SMYD4: variants seen among roughly 807,000 people sequenced by gnomAD.
SMYD4 encodes SET and MYND domain containing 4, also known as protein-lysine N-methyltransferase SMYD4.
SMYD4 carries 68 observed loss-of-function variants against 72.8 expected under a neutral mutation model. The ratio of observed to expected loss-of-function variants is 0.93; its 90% confidence interval spans 0.77 to 1.14. The LOEUF is 1.14. SMYD4 is among the 50% of genes most tolerant of loss of function. SMYD4 has a pLI of 0.00. For synonymous variants in SMYD4, 407 were observed against 388.6 expected (o/e 1.05, Z -0.56); for missense variants, 984 against 1,003.7 (o/e 0.98, Z 0.27).
intron 2 of SMYD4, among the ~76,000 whole-genome samples, chr17:1,820,478 G>A (rs1227448477): frequency 2.0e-5 from 3 of 152,156 alleles, no homozygotes; most frequent in African/African-American, 7.2e-5. Flanking sequence ...GGGCTCCAGC[G>A]ATCCTCTTGC....
chr17:1,786,785 T>C lies in SMYD4; in HGVS notation c.1884+25A>G, dbSNP rs373049813. 6 of 1,613,198 alleles carry C rather than the reference T, an allele frequency of 3.7e-6. No individual in the cohort carries two copies. In the African/African-American group the frequency reaches 4.0e-5, roughly 11 times the overall value. On this transcript the variant is annotated intron_variant, in intron 7 of 10. Coordinates refer to ENST00000305513, the MANE Select transcript of SMYD4 (RefSeq NM_052928.3). ...GTGGAAAACTGACCTCCAGGAAAAG[T>C]GGAGGAGACAGAAGAGAGAATTACC...
At chr17:1,781,524 T>A in intron 10 of SMYD4, 85 bp from the exon 11 acceptor site, 1 of 1,447,542 alleles carries the variant, frequency 6.9e-7, no homozygotes, top group Non-Finnish European at 9.4e-7. Flanking sequence ...CCGTGAAGAA[T>A]GTAAGATCAT....
intron 3 of SMYD4, among the ~76,000 whole-genome samples, chr17:1,811,303 G>A (rs1910318388): frequency 1.3e-5 from 2 of 152,076 alleles, no homozygotes; most frequent in Non-Finnish European, 2.9e-5. Flanking sequence ...AACTTTTTCC[G>A]TTTCAGGACC....
chr17:1,805,956 C>T (rs1406229014), intron 3 of SMYD4, among the ~76,000 whole-genome samples: 1 of 148,116 alleles, frequency 6.8e-6, no homozygotes, highest in Non-Finnish European at 1.5e-5. Context: ...CGGAGTCTCG[C>T]TCTGTCGCCC....
intron 3 of SMYD4, among the ~76,000 whole-genome samples, chr17:1,807,126 G>A (rs1406636742): frequency 6.6e-6 from 1 of 152,050 alleles, no homozygotes; most frequent in Non-Finnish European, 1.5e-5. Flanking sequence ...CTGACCTCAG[G>A]TGATCCACCC....
chr17:1,827,649 T>C (rs1911260822), intron 2 of SMYD4, among the ~76,000 whole-genome samples: 1 of 152,114 alleles, frequency 6.6e-6, no homozygotes, highest in Non-Finnish European at 1.5e-5. Flanking sequence ...AAAGAGATGT[T>C]ACCAGGCCAG....
At chr17:1,818,046 C>CAAAA (rs540448588) in intron 2 of SMYD4, among the ~76,000 whole-genome samples, 33,851 of 102,588 alleles carry the variant, frequency 0.33, 7,329 homozygotes, top group Non-Finnish European at 0.47. Context: ...GACTCTGTCT[C>CAAAA]AAAAAAAAAA....
In SMYD4 at chr17:1,784,351, C is replaced by T. The variant is rs1320444656; in HGVS notation, c.1995G>A (p.Gln665=). The change falls in exon 8 of 11, where the codon CAG becomes CAA. Residue 665 remains glutamine, a synonymous_variant. Coordinates refer to ENST00000305513, the MANE Select transcript of SMYD4 (RefSeq NM_052928.3). ...CTAGTTCACCATCTCTGAGAAGCTT[C>T]TGGGCCACTCTGACCTGCTGCTGTA... ...QDLQQQVRVA[Q]KLLRDGELER... 1 of 1,614,240 alleles carries T rather than the reference C, an allele frequency of 6.2e-7. No homozygotes were observed. Among genetic ancestry groups the T allele is most frequent in the Non-Finnish European group, 8.5e-7 (1 of 1,180,052 alleles).
intron 7 of SMYD4, among the ~76,000 whole-genome samples, chr17:1,785,282 GCA>G (rs1908604411): frequency 6.7e-6 from 1 of 149,424 alleles, no homozygotes; most frequent in Non-Finnish European, 1.5e-5. Flanking sequence ...AATTAGCCGG[GCA>G]TGGTGGTGGC....
intron 4 of SMYD4, among the ~76,000 whole-genome samples, chr17:1,803,313 C>T: frequency 6.6e-6 from 1 of 152,210 alleles, no homozygotes; most frequent in East Asian, 1.9e-4. Context: ...CTTAAGAAGG[C>T]TGAGCTATTA....
Position 1,827,876 on chromosome 17 carries a change from G to A in SMYD4, c.119C>T (p.Ser40Phe), listed in dbSNP as rs1184920972. 1.2e-6 allele frequency: 2 copies of A among 1,607,322 alleles called. No homozygotes were observed. Among genetic ancestry groups the A allele is most frequent in the Non-Finnish European group, 1.7e-6 (2 of 1,174,240 alleles). Residue 40 changes from serine to phenylalanine, a missense_variant, in exon 2 of 11, where the codon TCC becomes TTC. Ser to Phe is a radical substitution (Grantham distance 155). Coordinates refer to ENST00000305513, the MANE Select transcript of SMYD4 (RefSeq NM_052928.3). ...ATTTACTTACTGAAGAAGTGAAGAGGAGTGAAGAAAGATATCCCTCAAGGT... is the reference window on the plus strand; with the variant it reads ...ATTTACTTACTGAAGAAGTGAAGAGAAGTGAAGAAAGATATCCCTCAAGGT... ...AETLRDIFLH[S>F]SSLLQPEDEL...
At chr17:1,828,107 T>C (rs1911297491) in intron 1 of SMYD4, 101 bp from the exon 2 acceptor site, 1 of 1,207,494 alleles carries the variant, frequency 8.3e-7, no homozygotes, top group Non-Finnish European at 1.2e-6. Flanking sequence ...TCCCAGCACT[T>C]TGGGAAGCCG....
rs1909949194 is a variant in SMYD4, at chr17:1,804,703, A to T, written c.292T>A (p.Ser98Thr). Residue 98 changes from serine to threonine, a missense_variant, in exon 4 of 11, where the codon TCA (serine) becomes ACA (threonine). By Grantham distance (58) the Ser-to-Thr change is moderately conservative. Transcript: ENST00000305513. ...AVLYSKGVSH[S>T]RPNTEDMSLC... The stretch of plus-strand genomic sequence containing the variant: ...GACATGTCCTCAGTGTTAGGCCTTG[A>T]ATGTGACACTCCCTGCAAAACAATG... The T allele has an allele frequency of 4.3e-6, 7 of 1,613,424 alleles. 1 individual carries two copies. In the South Asian group the frequency reaches 6.6e-5, roughly 15 times the overall value.
Position 1,798,509 on chromosome 17 carries a change from T to A in SMYD4, c.1537+1348A>T, listed in dbSNP as rs549858613. 1.2e-3 allele frequency among the ~76,000 whole-genome samples: 183 copies of A among 152,158 alleles called. 1 individual carries two copies. The highest frequency in any genetic ancestry group is 4.3e-3 in the African/African-American group (179 of 41,530). On this transcript the variant is annotated intron_variant, in intron 5 of 10. Coordinates refer to ENST00000305513, the MANE Select transcript of SMYD4 (RefSeq NM_052928.3). ...TGAGTGCAGTGGTTCACACCTGTAA[T>A]CCCAGCACTTGGGGAGGCTGAGGCG... is the stretch of plus-strand genomic sequence containing the variant.
At chr17:1,787,331 G>T in intron 6 of SMYD4, 91 bp downstream of exon 6, 1 of 1,470,330 alleles carries the variant, frequency 6.8e-7, no homozygotes. Context: ...CAGTAGACAG[G>T]TGAAGTCACA....
In SMYD4 at chr17:1,823,838, C is replaced by T. The variant is rs114953407; in HGVS notation, c.134+4023G>A. On this transcript the variant is annotated intron_variant, in intron 2 of 10. Transcript: ENST00000305513. ...TGTTATTACACTATCAGGGTGTGCC[C>T]AGGGCTGTGAATGGTTATAGCACCC... Among the ~76,000 whole-genome samples the T allele has an allele frequency of 9.9e-3, 1,514 of 152,174 alleles. 24 individuals are homozygous for T. Among genetic ancestry groups the T allele is most frequent in the African/African-American group, 0.033 (1,364 of 41,504 alleles).
chr17:1,815,856 T>G (rs1026367672), intron 2 of SMYD4, among the ~76,000 whole-genome samples: 2 of 152,030 alleles, frequency 1.3e-5, no homozygotes, highest in African/African-American at 2.4e-5. Flanking sequence ...CCTGCCACCA[T>G]GACCAGCTAA....
At chr17:1,812,877 A>G (rs1052023425) in intron 2 of SMYD4, among the ~76,000 whole-genome samples, 4 of 151,582 alleles carry the variant, frequency 2.6e-5, no homozygotes, top group African/African-American at 9.7e-5. Context: ...ACTGAAGGCT[A>G]ATTTTTTATT....
chr17:1,811,959 G>C lies in SMYD4; in HGVS notation c.279+12C>G, dbSNP rs369435890. ...AATAAATAATAAATTGCTTGAGCTG[G>C]GAGTGTTTTACCTTAGAGTACAGCA... On this transcript the variant is annotated intron_variant, in intron 3 of 10. Coordinates refer to ENST00000305513, the MANE Select transcript of SMYD4 (RefSeq NM_052928.3). 73 of 1,607,642 alleles carry C rather than the reference G, an allele frequency of 4.5e-5. No individual in the cohort carries two copies. In the African/African-American group the frequency reaches 9.4e-4, roughly 21 times the overall value.
Sources: allele counts gnomAD v4.1 joint callset (sites outside exome capture counted in the v4.1 genomes callset), GRCh38; gene constraint gnomAD v4.1.1; transcripts MANE v1.5; gene names NCBI Gene and HGNC (gene_info 2026-07-23, HGNC 2026-07-21).